Variants in RCHY1 observed in about 807,000 individuals in gnomAD.
RCHY1 encodes RING finger and CHY zinc finger domain-containing protein 1.
A neutral mutation model predicts 41.6 loss-of-function variants in RCHY1; 21 were observed. The observed-to-expected ratio is 0.51, with a 90% CI of 0.36 to 0.73. The LOEUF (loss-of-function observed/expected upper bound fraction) is 0.73. RCHY1 is among the 30% of genes least tolerant of loss of function. The pLI is 0.00. For missense variants in RCHY1, 265 were observed against 325.3 expected (o/e 0.81, Z 1.43); for synonymous variants, 79 against 102.9 (o/e 0.77, Z 1.41).
At chr4:75,490,746 A>G (rs1221269774) in intron 7 of RCHY1, 45 bp from the exon 8 acceptor site, 10 of 1,491,160 alleles carry the variant, frequency 6.7e-6, no homozygotes, top group East Asian at 2.3e-5. Context: ...AAACAAGAAT[A>G]TATTAATTCA....
intron 1 of RCHY1, among the ~76,000 whole-genome samples, chr4:75,512,112 G>A (rs1307713402): frequency 2.0e-5 from 3 of 152,174 alleles, no homozygotes; most frequent in Non-Finnish European, 2.9e-5. Flanking sequence ...ATCAGAAGCA[G>A]GTGAATATGG....
intron 1 of RCHY1, among the ~76,000 whole-genome samples, chr4:75,510,843 T>TC (rs1049123311): frequency 8.5e-5 from 13 of 152,150 alleles, no homozygotes; most frequent in African/African-American, 3.1e-4. Flanking sequence ...ACTATATTTT[T>TC]CCCCCCAAAC....
chr4:75,497,922 C>T (rs1007825464), intron 3 of RCHY1, among the ~76,000 whole-genome samples: 2 of 150,574 alleles, frequency 1.3e-5, no homozygotes, highest in Non-Finnish European at 3.0e-5. Flanking sequence ...GAAAAGAAGA[C>T]GTGCACAGGA....
chr4:75,495,066 A>G (rs1723072605), intron 3 of RCHY1, among the ~76,000 whole-genome samples: 1 of 151,990 alleles, frequency 6.6e-6, no homozygotes, highest in Non-Finnish European at 1.5e-5. Context: ...ATGAATATCA[A>G]TGTTTTCATT....
chr4:75,491,541 C>T (rs1578213707), intron 7 of RCHY1, 70 bp downstream of exon 7: 1 of 1,391,822 alleles, frequency 7.2e-7, no homozygotes, highest in Non-Finnish European at 1.0e-6. Context: ...AATGTTTGTC[C>T]ACCTCCCCAC....
chr4:75,484,147 A>G (rs1314413205), intron 8 of RCHY1, among the ~76,000 whole-genome samples: 1 of 152,198 alleles, frequency 6.6e-6, no homozygotes, highest in African/African-American at 2.4e-5. Flanking sequence ...AACAGCTGGC[A>G]TCAGAAGTGG....
intron 3 of RCHY1, among the ~76,000 whole-genome samples, chr4:75,500,001 C>A (rs934978398): frequency 4.6e-5 from 7 of 152,084 alleles, no homozygotes; most frequent in African/African-American, 9.7e-5. Flanking sequence ...ATTAGCTGGG[C>A]ATGGTGGCAC....
intron 2 of RCHY1, 24 bp downstream of exon 2, chr4:75,509,153 A>T: frequency 6.3e-7 from 1 of 1,597,068 alleles, no homozygotes; most frequent in East Asian, 2.2e-5. Context: ...TTAAAAAGAA[A>T]ATAGAAATGT....
At position 75,490,728 on chromosome 4, in the gene RCHY1, C is replaced by T. The variant is rs200792030; in HGVS notation, c.537-27G>A. ...TGAAAGAGATAGAAAGGTTATTTTC[C>T]AAATATTAAACAAGAATATATTAAT... On this transcript the variant is annotated intron_variant, in intron 7 of 8. Coordinates refer to ENST00000324439, the MANE Select transcript of RCHY1 (RefSeq NM_015436.4). The T allele has an allele frequency of 5.4e-5, 85 of 1,568,358 alleles. 1 individual carries two copies. In the East Asian group the frequency reaches 1.9e-3, roughly 35 times the overall value.
chr4:75,496,742 C>A (rs528450988), intron 3 of RCHY1, among the ~76,000 whole-genome samples: 1 of 152,080 alleles, frequency 6.6e-6, no homozygotes, highest in African/African-American at 2.4e-5. Context: ...AACTTAACTG[C>A]ATCCCAAAAT....
intron 8 of RCHY1, among the ~76,000 whole-genome samples, chr4:75,487,630 A>ATATATTCATAATATATATTC (rs71203818): frequency 1.4e-4 from 2 of 14,698 alleles, no homozygotes; most frequent in African/African-American, 6.6e-4. Context: ...ATATATTCAT[A>ATATATTCATAATATATATTC]ATATATATAT....
chr4:75,487,554 AATATATTCATAATATATATATTCATAT>A lies in RCHY1; in HGVS notation c.657+3000_657+3026del, dbSNP rs1722180872. Reference sequence around the variant, plus strand: ...ATATATTCATAATATATATATTCATAATATATTCATAATATATATATTCATATATATATTCATAATATATATTCATAT... The same window carrying A: ...ATATATTCATAATATATATATTCATAATATATTCATAATATATATTCATAT... On this transcript the variant is annotated intron_variant, in intron 8 of 8. Transcript: ENST00000324439. Among the ~76,000 whole-genome samples, 9 of 48,310 alleles carry A rather than the reference AATATATTCATAATATATATATTCATAT, an allele frequency of 1.9e-4. 1 individual carries two copies. Among genetic ancestry groups the A allele is most frequent in the African/African-American group, 5.9e-4 (8 of 13,630 alleles). 31.7% of individuals were successfully genotyped at this position (48,310 alleles called of 152,430 possible). A position where few individuals can be genotyped will look rare whatever the true frequency, so the allele number is the denominator to read the frequency against.
chr4:75,508,907 G>C lies in RCHY1; in HGVS notation c.239C>G (p.Thr80Arg). 6.2e-7 allele frequency: 1 copy of C among 1,609,502 alleles called. No homozygotes were observed. Among genetic ancestry groups the C allele is most frequent in the Non-Finnish European group, 8.5e-7 (1 of 1,178,162 alleles). Residue 80 changes from threonine to arginine, a missense_variant, in exon 3 of 9, where the codon ACA becomes AGA. Transcript: ENST00000324439. ...HAQQTCEECS[T>R]LFGEYYCDIC... ...ATCGCAATAATATTCTCCAAACAAT[G>C]TGCTACATTCTTCACAAGTCTGTTG...
At chr4:75,485,230 A>T (rs1267256530) in intron 8 of RCHY1, among the ~76,000 whole-genome samples, 4 of 152,200 alleles carry the variant, frequency 2.6e-5, no homozygotes, top group Non-Finnish European at 4.4e-5. Flanking sequence ...AACTGCAAAC[A>T]ATAAAAAAGA....
intron 8 of RCHY1, among the ~76,000 whole-genome samples, chr4:75,488,596 T>C (rs374655826): frequency 6.6e-6 from 1 of 152,092 alleles, no homozygotes; most frequent in Admixed American, 6.5e-5. Flanking sequence ...AGTACTGAAA[T>C]TGTTTAGATT....
intron 3 of RCHY1, 170 bp from the exon 4 acceptor site, chr4:75,494,349 TAC>T: frequency 1.7e-6 from 1 of 579,290 alleles, no homozygotes; most frequent in Non-Finnish European, 3.0e-6. Context: ...GTAAGCACTA[TAC>T]ACAGAGTGGT....
chr4:75,503,212 T>A (rs1453603671), intron 3 of RCHY1, among the ~76,000 whole-genome samples: 1 of 152,110 alleles, frequency 6.6e-6, no homozygotes, highest in Non-Finnish European at 1.5e-5. Context: ...GCTGAAAATG[T>A]CTCCAGGCAT....
chr4:75,488,316 C>T (rs535135254), intron 8 of RCHY1, among the ~76,000 whole-genome samples: 3 of 152,150 alleles, frequency 2.0e-5, no homozygotes, highest in African/African-American at 7.2e-5. Context: ...CAGTTAACTG[C>T]TTAATTCTGA....
At chr4:75,488,553 A>G (rs1051984891) in intron 8 of RCHY1, among the ~76,000 whole-genome samples, 1 of 152,186 alleles carries the variant, frequency 6.6e-6, no homozygotes, top group African/African-American at 2.4e-5. Flanking sequence ...ATACCAAGAA[A>G]ATACTTTGCC....
Sources: allele counts gnomAD v4.1 joint callset (sites outside exome capture counted in the v4.1 genomes callset), GRCh38; gene constraint gnomAD v4.1.1; transcripts MANE v1.5; gene names NCBI Gene and HGNC (gene_info 2026-07-23, HGNC 2026-07-21).